CD99L2: variants seen among roughly 807,000 people sequenced by gnomAD.
CD99L2 encodes the protein CD99 molecule like 2.
A neutral mutation model predicts 27.3 loss-of-function variants in CD99L2; 24 were observed. The ratio of observed to expected loss-of-function variants is 0.88; its 90% CI spans 0.64 to 1.24. The LOEUF is 1.24. CD99L2 is among the 50% of genes most tolerant of loss of function. The pLI, the probability that CD99L2 is intolerant of heterozygous loss-of-function variation, is 0.00. For synonymous variants in CD99L2, 97 were observed against 87.9 expected (o/e 1.10, Z -0.58); for missense variants, 255 against 221.6 (o/e 1.15, Z -0.96).
rs1454322466 is a variant in CD99L2, at chrX:150,823,467, G to C, written c.131-7389C>G. Among the ~76,000 whole-genome samples the C allele has an allele frequency of 3.6e-5, 4 of 109,947 alleles. No individual in the cohort carries two copies. The East Asian group carries it at 1.2e-3, about 32-fold the overall frequency. On this transcript the variant is annotated intron_variant, in intron 2 of 10. Coordinates refer to ENST00000370377, the MANE Select transcript of CD99L2 (RefSeq NM_031462.4). ...CGCCCAGCTAATTTTTGTATTTTTA[G>C]TAGAGACGGGGTTTCACCATGTTGG...
intron 1 of CD99L2, among the ~76,000 whole-genome samples, chrX:150,896,598 G>C (rs782687203): frequency 8.9e-6 from 1 of 111,781 alleles, no homozygotes; most frequent in Admixed American, 9.5e-5. Context: ...TGGCACACAG[G>C]AAGAACTCAG....
intron 1 of CD99L2, among the ~76,000 whole-genome samples, chrX:150,841,121 G>A (rs2046616848): frequency 8.9e-6 from 1 of 112,141 alleles, no homozygotes; most frequent in Non-Finnish European, 1.9e-5. Context: ...ACAGGAAAAA[G>A]AAATGGAAAC....
chrX:150,893,963 G>A (rs781841059), intron 1 of CD99L2, among the ~76,000 whole-genome samples: 3 of 111,711 alleles, frequency 2.7e-5, no homozygotes, highest in Non-Finnish European at 5.6e-5. Context: ...TGATCCACCC[G>A]CCTCAGCCTC....
intron 1 of CD99L2, among the ~76,000 whole-genome samples, chrX:150,870,763 C>G (rs2047143885): frequency 9.0e-6 from 1 of 110,839 alleles, no homozygotes; most frequent in Non-Finnish European, 1.9e-5. Context: ...TGCACTGCAC[C>G]CCCCCATCCT....
At chrX:150,815,976 C>T (rs377158699) in intron 3 of CD99L2, 31 bp downstream of exon 3, 238 of 1,193,150 alleles carry the variant, frequency 2.0e-4, no homozygotes, top group Non-Finnish European at 2.6e-4. Context: ...AGGGCCCTTC[C>T]TCACTGCCCT....
intron 7 of CD99L2, among the ~76,000 whole-genome samples, chrX:150,782,288 C>T (rs1246449654): frequency 2.7e-5 from 3 of 111,934 alleles, no homozygotes; most frequent in African/African-American, 9.8e-5. Context: ...TCAAATACCC[C>T]ATAGTTACCA....
intron 10 of CD99L2, 114 bp from the exon 11 acceptor site, chrX:150,769,215 G>A: frequency 2.2e-6 from 2 of 900,152 alleles, no homozygotes; most frequent in Non-Finnish European, 3.0e-6. Context: ...GTATCCCCTG[G>A]GGGGCCGCTT....
chrX:150,876,802 G>T lies in CD99L2; in HGVS notation c.67+21720C>A, dbSNP rs1389126029. Among the ~76,000 whole-genome samples, 3 of 112,144 alleles carry T rather than the reference G, an allele frequency of 2.7e-5. No individual in the cohort carries two copies. The East Asian group carries it at 8.4e-4, about 31-fold the overall frequency. Reference sequence around the variant, plus strand: ...TTGTCTTTGAATTACCTCTTTAAAAGAATCAACCTAGGCTCAGTCCACAAA... The same window carrying T: ...TTGTCTTTGAATTACCTCTTTAAAATAATCAACCTAGGCTCAGTCCACAAA... On this transcript the variant is annotated intron_variant, in intron 1 of 10. Coordinates refer to ENST00000370377, the MANE Select transcript of CD99L2 (RefSeq NM_031462.4).
chrX:150,793,362 T>C (rs1367808534), intron 7 of CD99L2, among the ~76,000 whole-genome samples: 1 of 112,571 alleles, frequency 8.9e-6, no homozygotes, highest in African/African-American at 3.2e-5. Flanking sequence ...TCTCTTGAGG[T>C]TGAGAGGGCT....
intron 2 of CD99L2, among the ~76,000 whole-genome samples, chrX:150,824,155 G>GAA: frequency 6.5e-5 from 1 of 15,432 alleles, no homozygotes; most frequent in African/African-American, 1.9e-4. Flanking sequence ...GAAGGAAGGA[G>GAA]GAGGAGGAGG....
chrX:150,846,060 C>A (rs1049977427), intron 1 of CD99L2, among the ~76,000 whole-genome samples: 1 of 111,768 alleles, frequency 8.9e-6, no homozygotes, highest in Non-Finnish European at 1.9e-5. Flanking sequence ...GGCATGGTGG[C>A]ATATGCCCGT....
At chrX:150,895,460 T>C (rs2047590986) in intron 1 of CD99L2, among the ~76,000 whole-genome samples, 1 of 111,359 alleles carries the variant, frequency 9.0e-6, no homozygotes, top group African/African-American at 3.3e-5. Context: ...CTGGAAGGAT[T>C]TCTCAGATTA....
chrX:150,832,140 CAT>C (rs1265511094), intron 1 of CD99L2, among the ~76,000 whole-genome samples: 1 of 112,352 alleles, frequency 8.9e-6, no homozygotes, highest in African/African-American at 3.2e-5. Flanking sequence ...CAGGATAGAT[CAT>C]ATGTTAGGCC....
intron 7 of CD99L2, among the ~76,000 whole-genome samples, chrX:150,780,638 AAAATATGCAG>A (rs2045495754): frequency 8.9e-6 from 1 of 111,776 alleles, no homozygotes; most frequent in Non-Finnish European, 1.9e-5. Flanking sequence ...AATATATGAG[AAAATATGCAG>A]AAATATGCAG....
intron 1 of CD99L2, among the ~76,000 whole-genome samples, chrX:150,831,655 T>C (rs1557421069): frequency 3.6e-5 from 4 of 111,372 alleles, no homozygotes; most frequent in African/African-American, 1.3e-4. Context: ...GTGCTAGGCT[T>C]ATTACCTAGG....
intron 4 of CD99L2, among the ~76,000 whole-genome samples, chrX:150,800,883 A>T (rs11094637): frequency 0.23 from 24,948 of 109,055 alleles, 2,509 homozygotes; most frequent in African/African-American, 0.38. Context: ...AATATAAAAT[A>T]AGCCGGGTGT....
intron 1 of CD99L2, among the ~76,000 whole-genome samples, chrX:150,831,870 A>G (rs2046450195): frequency 8.9e-6 from 1 of 112,276 alleles, no homozygotes; most frequent in Non-Finnish European, 1.9e-5. Flanking sequence ...AAATATATGC[A>G]CACCCAACAT....
intron 1 of CD99L2, among the ~76,000 whole-genome samples, chrX:150,878,783 AT>A (rs1353303819): frequency 8.9e-6 from 1 of 111,867 alleles, no homozygotes; most frequent in Non-Finnish European, 1.9e-5. Context: ...ATTTAAATAC[AT>A]TTTTTAAATT....
intron 3 of CD99L2, 56 bp downstream of exon 3, chrX:150,815,951 C>A (rs376193194): frequency 6.3e-5 from 70 of 1,117,221 alleles, no homozygotes; most frequent in Non-Finnish European, 8.4e-5. Context: ...CATGCTACCC[C>A]AGAGGGAACT....
Sources: allele counts gnomAD v4.1 joint callset (sites outside exome capture counted in the v4.1 genomes callset), GRCh38; gene constraint gnomAD v4.1.1; transcripts MANE v1.5; gene names NCBI Gene and HGNC (gene_info 2026-07-23, HGNC 2026-07-21).